Variants in CEP162 observed in about 807,000 individuals in gnomAD.
The protein encoded by CEP162 is centrosomal protein 162.
In CEP162, 141 loss-of-function variants were observed where a neutral mutation model predicts 169.2. That is an observed-to-expected ratio of 0.83 (90% CI 0.73 to 0.96). The LOEUF is 0.96. CEP162 is among the 40% of genes least tolerant of loss of function. The pLI is 0.00. For missense variants in CEP162, 1,600 were observed against 1,587.2 expected (o/e 1.01, Z -0.14); for synonymous variants, 540 against 526.4 (o/e 1.03, Z -0.35).
rs112863148 is a variant in CEP162, at chr6:84,179,153, T to C, written c.1664-3806A>G. Among the ~76,000 whole-genome samples the C allele has an allele frequency of 6.5e-3, 992 of 152,330 alleles. 7 individuals carry two copies. Among genetic ancestry groups the C allele is most frequent in the African/African-American group, 0.023 (943 of 41,568 alleles). On this transcript the variant is annotated intron_variant, in intron 13 of 26. Coordinates refer to ENST00000403245, the MANE Select transcript of CEP162 (RefSeq NM_014895.4). Reference sequence around the variant, plus strand: ...CATCTGTCTTTATAGTAGAATGATTTATAATCCTTTGGGTATATACCCAGT... The same window carrying C: ...CATCTGTCTTTATAGTAGAATGATTCATAATCCTTTGGGTATATACCCAGT...
At chr6:84,144,658 A>C (rs1390978213) in intron 25 of CEP162, among the ~76,000 whole-genome samples, 1 of 152,080 alleles carries the variant, frequency 6.6e-6, no homozygotes, top group Non-Finnish European at 1.5e-5. Context: ...TTCTAATGAA[A>C]AGATTGATTG....
chr6:84,152,064 A>C (rs1488179087), intron 23 of CEP162, among the ~76,000 whole-genome samples: 1 of 152,166 alleles, frequency 6.6e-6, no homozygotes, highest in Non-Finnish European at 1.5e-5. Flanking sequence ...AGTGAGAAGG[A>C]AATGGATGAG....
intron 6 of CEP162, among the ~76,000 whole-genome samples, chr6:84,206,079 C>T (rs964540128): frequency 2.0e-5 from 3 of 149,058 alleles, no homozygotes; most frequent in African/African-American, 7.8e-5. Context: ...AGGACACAAA[C>T]AAATGGAAGA....
At position 84,149,590 on chromosome 6, in the gene CEP162, T is replaced by C. The variant is rs1312455241; in HGVS notation, c.3743A>G (p.Glu1248Gly). The C allele has an allele frequency of 1.2e-6, 2 of 1,601,754 alleles. No individual in the cohort carries two copies. Among genetic ancestry groups the C allele is most frequent in the East Asian group, 2.2e-5 (1 of 44,578 alleles). Residue 1248 changes from glutamate (E) to glycine (G), a missense_variant, in exon 24 of 27, where the codon GAA (glutamate) becomes GGA (glycine). By Grantham distance (98) the Glu-to-Gly change is moderately conservative (BLOSUM62 -2). Transcript: ENST00000403245. ...AVENSSSKVA[E>G]LNRKIATQEV... ...TTGAGTTGCTATTTTACGATTTAGT[T>C]CAGCTACTTTGGAAGAAGAATTTTC... is the stretch of plus-strand genomic sequence containing the variant.
chr6:84,182,309 A>G (rs2099535211), intron 13 of CEP162, among the ~76,000 whole-genome samples: 1 of 152,130 alleles, frequency 6.6e-6, no homozygotes, highest in Non-Finnish European at 1.5e-5. Context: ...TAATAAGCAT[A>G]TATTAAGAAT....
chr6:84,226,537 T>C (rs1013897405), intron 1 of CEP162, 85 bp from the exon 2 acceptor site: 7 of 648,826 alleles, frequency 1.1e-5, no homozygotes, highest in Middle Eastern at 8.1e-4. Flanking sequence ...ACATTTGTTA[T>C]GATTCAGTAT....
chr6:84,185,198 G>C lies in CEP162; in HGVS notation c.1652C>G (p.Pro551Arg). Residue 551 changes from proline to arginine, a missense_variant, in exon 13 of 27, where the codon CCT becomes CGT. Coordinates refer to ENST00000403245, the MANE Select transcript of CEP162 (RefSeq NM_014895.4). ...NLRSISTSNQ[P>R]RKKEILSGTK... ...GAGTATATGATTACCTTTTTTCCTA[G>C]GTTGATTGGAGGTAGAAATCGATCT... The C allele has an allele frequency of 6.2e-7, 1 of 1,608,098 alleles. No individual in the cohort carries two copies. The highest frequency in any genetic ancestry group is 8.5e-7 in the Non-Finnish European group (1 of 1,176,548).
chr6:84,208,407 T>A (rs558350268), intron 6 of CEP162, among the ~76,000 whole-genome samples: 1 of 152,298 alleles, frequency 6.6e-6, no homozygotes, highest in African/African-American at 2.4e-5. Flanking sequence ...TTCAAAAAAC[T>A]GCATCACACT....
chr6:84,147,281 A>C (rs1201262143), intron 24 of CEP162, among the ~76,000 whole-genome samples: 1 of 152,120 alleles, frequency 6.6e-6, no homozygotes, highest in Non-Finnish European at 1.5e-5. Context: ...GAGCTAAAAA[A>C]CTTGATCTCA....
intron 15 of CEP162, 121 bp downstream of exon 15, chr6:84,174,606 A>C (rs1305547758): frequency 1.7e-6 from 1 of 596,542 alleles, no homozygotes; most frequent in African/African-American, 1.9e-5. Context: ...TATATTTTAT[A>C]CAGCAAATAC....
At chr6:84,200,504 T>C (rs3778177) in intron 9 of CEP162, among the ~76,000 whole-genome samples, 16 of 152,174 alleles carry the variant, frequency 1.1e-4, no homozygotes, top group African/African-American at 3.4e-4. Flanking sequence ...TGGAGAGGCA[T>C]AGAAAATTAG....
chr6:84,196,387 T>C (rs1206173370), intron 9 of CEP162, among the ~76,000 whole-genome samples: 2 of 152,226 alleles, frequency 1.3e-5, no homozygotes, highest in Non-Finnish European at 2.9e-5. Context: ...TAAACCCTTT[T>C]TCCTGTATAA....
intron 16 of CEP162, among the ~76,000 whole-genome samples, chr6:84,171,939 T>C (rs2099530302): frequency 6.6e-6 from 1 of 152,056 alleles, no homozygotes; most frequent in South Asian, 2.1e-4. Flanking sequence ...ATTGAAAAAA[T>C]AATTTGCAAA....
intron 13 of CEP162, among the ~76,000 whole-genome samples, chr6:84,181,498 A>G (rs2099534813): frequency 6.6e-6 from 1 of 152,220 alleles, no homozygotes; most frequent in Non-Finnish European, 1.5e-5. Context: ...CAAAATTGTC[A>G]AGTAATTACT....
intron 25 of CEP162, among the ~76,000 whole-genome samples, chr6:84,136,494 A>C (rs894029634): frequency 6.6e-6 from 1 of 152,198 alleles, no homozygotes; most frequent in Non-Finnish European, 1.5e-5. Context: ...AAATTTAAAC[A>C]TAAGTTTTGG....
intron 11 of CEP162, among the ~76,000 whole-genome samples, chr6:84,187,383 G>C (rs1477110038): frequency 6.6e-6 from 1 of 152,142 alleles, no homozygotes; most frequent in Non-Finnish European, 1.5e-5. Flanking sequence ...ATTAAAGAAT[G>C]TTTAAGAGGC....
Position 84,215,875 on chromosome 6 carries a change from G to C in CEP162, c.220C>G (p.Gln74Glu). The change falls in exon 4 of 27, where the codon CAG (glutamine) becomes GAG (glutamate). Residue 74 changes from glutamine (Q) to glutamate (E), a missense_variant. Physicochemically the swap from Gln to Glu is conservative, Grantham distance 29 (BLOSUM62 2). Coordinates refer to ENST00000403245, the MANE Select transcript of CEP162 (RefSeq NM_014895.4). ...VSYLKTKKTS[Q>E]PVMEIEEESA... is the part of the protein sequence containing the mutation. Reference sequence around the variant, plus strand: ...TCCTCTTCTATTTCCATAACAGGCTGAGAAGTCTTCTTTGTTTTCAAATAG... The same window carrying C: ...TCCTCTTCTATTTCCATAACAGGCTCAGAAGTCTTCTTTGTTTTCAAATAG... 1 of 1,579,510 alleles carries C rather than the reference G, an allele frequency of 6.3e-7. No individual in the cohort carries two copies.
At chr6:84,141,794 T>C (rs2099516768) in intron 25 of CEP162, among the ~76,000 whole-genome samples, 1 of 152,106 alleles carries the variant, frequency 6.6e-6, no homozygotes, top group South Asian at 2.1e-4. Flanking sequence ...TTTCCAGAGC[T>C]CCATCATCAA....
chr6:84,133,902 C>T (rs1409564720), intron 25 of CEP162, among the ~76,000 whole-genome samples: 1 of 152,170 alleles, frequency 6.6e-6, no homozygotes, highest in Non-Finnish European at 1.5e-5. Flanking sequence ...AACCTGGTAC[C>T]TCAGTTGGAA....
Sources: allele counts gnomAD v4.1 joint callset (sites outside exome capture counted in the v4.1 genomes callset), GRCh38; gene constraint gnomAD v4.1.1; transcripts MANE v1.5; gene names NCBI Gene and HGNC (gene_info 2026-07-23, HGNC 2026-07-21).